The following SEC14L5 variants were observed in gnomAD, a reference collection of about 807,000 sequenced individuals.
SEC14L5 encodes SEC14-like protein 5.
Under a neutral mutation model 84.6 loss-of-function variants are expected in SEC14L5, and 96 were observed. That is an observed-to-expected ratio of 1.13 (90% confidence interval 0.96 to 1.34). The LOEUF is 1.34. SEC14L5 is among the 40% of genes most tolerant of loss of function. The pLI is 0.00. For missense variants in SEC14L5, 1,224 were observed against 942.5 expected (o/e 1.30, Z -3.91); for synonymous variants, 546 against 383.4 (o/e 1.42, Z -4.95).
chr16:5,002,209 G>A (rs2142520942), intron 10 of SEC14L5, among the ~76,000 whole-genome samples: 1 of 152,180 alleles, frequency 6.6e-6, no homozygotes, highest in South Asian at 2.1e-4. Context: ...AGCCCTGTGA[G>A]ACACGGGCAG....
Position 5,017,090 on chromosome 16 carries a change from C to T in SEC14L5, c.*2120C>T, listed in dbSNP as rs1413469330. ...TACAAGTATGCTGGGATAAGCTGCC[C>T]TGGCAGTCTTTATACATTTATTGTC... is the stretch of plus-strand genomic sequence containing the variant. On this transcript the variant is annotated 3_prime_UTR_variant, in exon 16 of 16. Transcript: ENST00000251170. The T allele has an allele frequency of 6.6e-6, 1 of 151,136 alleles. No individual in the cohort carries two copies. The highest frequency in any genetic ancestry group is 1.5e-5 in the Non-Finnish European group (1 of 67,952). The allele number at this position is 151,136 out of a possible 1,614,324, so 9.4% of individuals were successfully genotyped here. A position where few individuals can be genotyped will look rare whatever the true frequency, so the allele number is the denominator to read the frequency against.
chr16:4,977,321 C>G (rs2972289), intron 2 of SEC14L5, among the ~76,000 whole-genome samples: 17,916 of 151,176 alleles, frequency 0.12, 1,273 homozygotes, highest in Middle Eastern at 0.17. Context: ...GTGGTGGGTG[C>G]CTGTAATCCC....
chr16:4,959,103 G>A (rs1955087653), intron 1 of SEC14L5, among the ~76,000 whole-genome samples, 170 bp from the exon 2 acceptor site: 1 of 151,986 alleles, frequency 6.6e-6, no homozygotes, highest in Non-Finnish European at 1.5e-5. Flanking sequence ...TAATGACAGG[G>A]AAGCTGTTGG....
At chr16:5,013,013 G>A (rs542857250) in intron 15 of SEC14L5, among the ~76,000 whole-genome samples, 1 of 152,188 alleles carries the variant, frequency 6.6e-6, no homozygotes, top group African/African-American at 2.4e-5. Flanking sequence ...CTATCATGGC[G>A]GAAGGCAAAG....
chr16:4,987,644 G>A lies in SEC14L5; in HGVS notation c.151G>A (p.Ala51Thr). ...VLRESRSPDGAVHVVERSCRL... is the reference protein window; with the variant it reads ...VLRESRSPDGTVHVVERSCRL... ...GCGCGAGTCCCGCAGCCCGGACGGG[G>A]CTGTGCACGTGGTGGAGCGGAGCTG... Residue 51 changes from alanine (A) to threonine (T), a missense_variant, in exon 3 of 16, where the codon GCT (alanine) becomes ACT (threonine). By Grantham distance (58) the Ala-to-Thr change is moderately conservative. Coordinates refer to ENST00000251170, the MANE Select transcript of SEC14L5 (RefSeq NM_014692.2). 6.4e-7 allele frequency: 1 copy of A among 1,555,066 alleles called. No individual in the cohort carries two copies. The highest frequency in any genetic ancestry group is 8.7e-7 in the Non-Finnish European group (1 of 1,151,202).
At chr16:4,994,507 C>T (rs1194288024) in intron 6 of SEC14L5, among the ~76,000 whole-genome samples, 1 of 152,024 alleles carries the variant, frequency 6.6e-6, no homozygotes, top group African/African-American at 2.4e-5. Context: ...TCATTCCCGG[C>T]TAATTTTTGT....
Position 5,007,372 on chromosome 16 carries a change from G to T in SEC14L5, c.1458G>T (p.Gly486=), listed in dbSNP as rs753452294. The change falls in exon 13 of 16, where the codon GGG becomes GGT. Residue 486 remains glycine, a synonymous_variant. Coordinates refer to ENST00000251170, the MANE Select transcript of SEC14L5 (RefSeq NM_014692.2). ...GESVCNVPEG[G]LVPKSLYMTE... The stretch of plus-strand genomic sequence containing the variant: ...TGCAGTGTAATGTCCCCGAAGGAGG[G>T]CTGGTCCCCAAGTCCCTCTACATGA... 7 of 1,613,764 alleles carry T rather than the reference G, an allele frequency of 4.3e-6. No homozygotes were observed. Among genetic ancestry groups the T allele is most frequent in the Non-Finnish European group, 5.1e-6 (6 of 1,179,854 alleles).
intron 2 of SEC14L5, among the ~76,000 whole-genome samples, chr16:4,980,373 C>T (rs558841241): frequency 3.9e-5 from 6 of 152,128 alleles, no homozygotes; most frequent in African/African-American, 1.4e-4. Context: ...GAAAGTCATG[C>T]CCCAGCAGAC....
intron 3 of SEC14L5, 82 bp from the exon 4 acceptor site, chr16:4,988,067 G>A: frequency 6.7e-7 from 1 of 1,485,028 alleles, no homozygotes; most frequent in Non-Finnish European, 9.2e-7. Context: ...GGTGACTGGG[G>A]CAGGCCCGCC....
chr16:4,987,705 A>G lies in SEC14L5; in HGVS notation c.212A>G (p.Lys71Arg), dbSNP rs1955507033. Residue 71 changes from lysine (K) to arginine (R), a missense_variant and splice_region_variant, in exon 3 of 16, where the codon AAG becomes AGG. Lys to Arg is a conservative substitution (Grantham distance 26). Coordinates refer to ENST00000251170, the MANE Select transcript of SEC14L5 (RefSeq NM_014692.2). ...GTGGACGCCCCGCGGCTGCTGCGGA[A>G]GGTGGGCGGCCCTGGGGCTGGGGGG... ...LRVDAPRLLR[K>R]IAGVEHVVFV... The G allele has an allele frequency of 6.7e-7, 1 of 1,488,384 alleles. No individual in the cohort carries two copies. Among genetic ancestry groups the G allele is most frequent in the Non-Finnish European group, 8.9e-7 (1 of 1,123,294 alleles). The allele number at this position is 1,488,384 out of a possible 1,614,324, so 92.2% of individuals were successfully genotyped here. A position where few individuals can be genotyped will look rare whatever the true frequency, so the allele number is the denominator to read the frequency against.
intron 2 of SEC14L5, among the ~76,000 whole-genome samples, chr16:4,963,588 C>T (rs982801891): frequency 5.3e-5 from 8 of 152,326 alleles, no homozygotes; most frequent in Admixed American, 3.3e-4. Context: ...TCAAGTGTTC[C>T]GCCCGCCTTG....
intron 4 of SEC14L5, among the ~76,000 whole-genome samples, chr16:4,988,835 A>G (rs897226113): frequency 6.6e-6 from 1 of 152,268 alleles, no homozygotes; most frequent in Non-Finnish European, 1.5e-5. Context: ...CTGCCAAGTG[A>G]TGAGCACCCA....
At chr16:4,961,715 G>A (rs532768285) in intron 2 of SEC14L5, among the ~76,000 whole-genome samples, 3 of 152,178 alleles carry the variant, frequency 2.0e-5, no homozygotes, top group East Asian at 1.9e-4. Context: ...AACCCTAAAC[G>A]TGACAAATTA....
chr16:4,969,457 C>T (rs529969097), intron 2 of SEC14L5, among the ~76,000 whole-genome samples: 2 of 152,026 alleles, frequency 1.3e-5, no homozygotes, highest in East Asian at 3.9e-4. Flanking sequence ...CCATCTCGCG[C>T]ATGGCAACCT....
At chr16:4,967,378 G>C (rs1955213792) in intron 2 of SEC14L5, among the ~76,000 whole-genome samples, 1 of 151,952 alleles carries the variant, frequency 6.6e-6, no homozygotes, top group Non-Finnish European at 1.5e-5. Context: ...GCTTCAACTT[G>C]ATTACTTGTA....
At chr16:4,962,165 C>CAAA (rs540573784) in intron 2 of SEC14L5, among the ~76,000 whole-genome samples, 11 of 72,964 alleles carry the variant, frequency 1.5e-4, no homozygotes, top group African/African-American at 4.8e-4. Flanking sequence ...GACTCTGTCT[C>CAAA]AAAAAAAAAA....
chr16:4,996,118 A>G (rs1380998918), intron 6 of SEC14L5, among the ~76,000 whole-genome samples: 1 of 152,158 alleles, frequency 6.6e-6, no homozygotes, highest in African/African-American at 2.4e-5. Context: ...CCCATCTCAC[A>G]GTGAGATCCA....
intron 2 of SEC14L5, among the ~76,000 whole-genome samples, chr16:4,967,564 T>G (rs1037365290): frequency 2.3e-4 from 3 of 13,146 alleles, no homozygotes; most frequent in African/African-American, 1.2e-3. Context: ...TTTCTTTCGT[T>G]TTTTTTTTTT....
At chr16:4,963,911 T>C (rs1955161224) in intron 2 of SEC14L5, among the ~76,000 whole-genome samples, 1 of 152,200 alleles carries the variant, frequency 6.6e-6, no homozygotes, top group Non-Finnish European at 1.5e-5. Flanking sequence ...GGTCTTGAAC[T>C]CCTGGGCTCA....
Sources: gnomAD v4.1 joint callset for allele counts (sites outside exome capture counted in the v4.1 genomes callset) on GRCh38, gnomAD v4.1.1 for gene constraint, MANE v1.5 for transcripts, NCBI Gene and HGNC (gene_info 2026-07-23, HGNC 2026-07-21) for gene names.